The following RERE variants were observed in gnomAD, a reference collection of about 807,000 sequenced individuals.
RERE encodes arginine-glutamic acid dipeptide repeats.
In RERE, 40 loss-of-function variants were observed where a neutral mutation model predicts 146.1. That is an observed-to-expected ratio of 0.27 (90% CI 0.21 to 0.36). The LOEUF is 0.36. Ranked by LOEUF, RERE falls within the 10% of genes least tolerant of loss-of-function variation. The pLI, the probability that RERE is intolerant of heterozygous loss-of-function variation, is 1.00. For synonymous variants in RERE, 1,003 were observed against 866.0 expected, an observed-to-expected ratio of 1.16 and a Z score of -2.78; for missense variants, 1,933 against 2,138.7, an observed-to-expected ratio of 0.90 and a Z score of 1.90.
chr1:8,694,602 T>A (rs1389192689), intron 1 of RERE, among the ~76,000 whole-genome samples: 3 of 151,756 alleles, frequency 2.0e-5, no homozygotes, highest in Non-Finnish European at 2.9e-5. Flanking sequence ...CTACTAAAAA[T>A]ACAAAAATTA....
intron 11 of RERE, among the ~76,000 whole-genome samples, chr1:8,449,739 A>G (rs564432052): frequency 6.6e-6 from 1 of 152,346 alleles, no homozygotes; most frequent in African/African-American, 2.4e-5. Context: ...AGGTCCTAAC[A>G]ATGAGCAGTT....
At chr1:8,543,705 A>G (rs902770599) in intron 6 of RERE, among the ~76,000 whole-genome samples, 1 of 152,178 alleles carries the variant, frequency 6.6e-6, no homozygotes, top group African/African-American at 2.4e-5. Flanking sequence ...GCCTCTACCT[A>G]GAAGCACCCA....
chr1:8,634,711 CT>C (rs1647075263), intron 2 of RERE, among the ~76,000 whole-genome samples: 1 of 152,148 alleles, frequency 6.6e-6, no homozygotes, highest in Non-Finnish European at 1.5e-5. Context: ...GGTCTTACTT[CT>C]TCTAATTGAA....
chr1:8,651,527 T>C (rs532756809), intron 2 of RERE, among the ~76,000 whole-genome samples: 83 of 152,256 alleles, frequency 5.5e-4, no homozygotes, highest in African/African-American at 1.9e-3. Context: ...ATAATGGTTT[T>C]TCATCACTAA....
chr1:8,517,868 A>C lies in RERE; in HGVS notation c.831-9193T>G, dbSNP rs566707600. Among the ~76,000 whole-genome samples, 5 of 152,342 alleles carry C rather than the reference A, an allele frequency of 3.3e-5. No individual in the cohort carries two copies. The South Asian group carries it at 1.0e-3, about 32-fold the overall frequency. The stretch of plus-strand genomic sequence containing the variant: ...GTTTTATTCTAAGAAGTAAACAGGG[A>C]ATGGACAGAAAGGAGCAGGGAGCCT... On this transcript the variant is annotated intron_variant, in intron 7 of 22. Transcript: ENST00000400908.
At chr1:8,771,909 C>CAAAAA (rs768264978) in intron 1 of RERE, among the ~76,000 whole-genome samples, 6 of 59,158 alleles carry the variant, frequency 1.0e-4, no homozygotes, top group Non-Finnish European at 1.4e-4. Context: ...GACTCTGTCT[C>CAAAAA]AAAAAAAAAA....
At chr1:8,361,542 T>C (rs755670093) in intron 17 of RERE, 52 bp from the exon 18 acceptor site, 5 of 1,570,200 alleles carry the variant, frequency 3.2e-6, no homozygotes, top group Non-Finnish European at 3.5e-6. Flanking sequence ...GAGCCCTGTC[T>C]GCTCTGCACC....
intron 10 of RERE, among the ~76,000 whole-genome samples, chr1:8,490,053 CAA>C (rs1252869517): frequency 5.6e-5 from 4 of 71,218 alleles, no homozygotes; most frequent in Non-Finnish European, 1.1e-4. Context: ...GACTCTGTCT[CAA>C]AAAAAAAAAA....
chr1:8,664,240 G>A (rs1339080180), intron 1 of RERE, among the ~76,000 whole-genome samples: 1 of 152,112 alleles, frequency 6.6e-6, no homozygotes, highest in Non-Finnish European at 1.5e-5. Flanking sequence ...CCTCCTGGAA[G>A]GCCTCTTTTC....
intron 12 of RERE, among the ~76,000 whole-genome samples, chr1:8,372,507 C>CGAGTGTGTGTGTGTGTGTGT (rs1642075692): frequency 7.6e-6 from 1 of 131,764 alleles, no homozygotes; most frequent in Non-Finnish European, 1.6e-5. Context: ...ACCATCAGGT[C>CGAGTGTGTGTGTGTGTGTGT]GTGTGTGTGT....
intron 10 of RERE, among the ~76,000 whole-genome samples, chr1:8,477,352 C>T (rs575202108): frequency 2.0e-5 from 3 of 152,306 alleles, no homozygotes; most frequent in South Asian, 4.1e-4. Flanking sequence ...CTGGCACATT[C>T]GTGAACCTAG....
At chr1:8,576,648 A>G (rs1646298640) in intron 4 of RERE, among the ~76,000 whole-genome samples, 1 of 152,222 alleles carries the variant, frequency 6.6e-6, no homozygotes, top group Non-Finnish European at 1.5e-5. Context: ...GAATAAAACC[A>G]TAATAAAAAA....
intron 1 of RERE, among the ~76,000 whole-genome samples, chr1:8,662,124 C>T (rs960798700): frequency 5.3e-5 from 8 of 152,180 alleles, no homozygotes; most frequent in African/African-American, 1.9e-4. Flanking sequence ...ACCTATTTAG[C>T]TGAAGGCCAG....
chr1:8,579,225 T>A (rs1001775929), intron 4 of RERE, among the ~76,000 whole-genome samples: 2 of 151,736 alleles, frequency 1.3e-5, no homozygotes, highest in Non-Finnish European at 2.9e-5. Context: ...CATGATGATC[T>A]TTAAAACAAG....
At chr1:8,429,780 C>G (rs1283316988) in intron 11 of RERE, 1 of 152,514 alleles carries the variant, frequency 6.6e-6, no homozygotes, top group African/African-American at 2.4e-5. Context: ...TCTGTTTTAC[C>G]CTGATTTCTG....
Position 8,556,576 on chromosome 1 carries a change from C to CA in RERE, c.629-6dup. 1 of 1,557,038 alleles carries CA rather than the reference C, an allele frequency of 6.4e-7. No homozygotes were observed. Among genetic ancestry groups the CA allele is most frequent in the Non-Finnish European group, 8.8e-7 (1 of 1,130,980 alleles). On this transcript the variant is annotated splice_region_variant and splice_polypyrimidine_tract_variant and intron_variant, in intron 5 of 22. Coordinates refer to ENST00000400908, the MANE Select transcript of RERE (RefSeq NM_001042681.2). ...TGACAAGTTCTCTTCCAGAGTCTGT[C>CA]AAAAAATTAATTAAGACGACATTAA...
intron 4 of RERE, among the ~76,000 whole-genome samples, chr1:8,594,218 A>AAAGTTT (rs1646528810): frequency 1.3e-5 from 2 of 152,182 alleles, no homozygotes; most frequent in African/African-American, 4.8e-5. Context: ...AGCTTGTCTA[A>AAAGTTT]AGTAACACAG....
At chr1:8,502,353 C>G (rs1283264250) in intron 8 of RERE, among the ~76,000 whole-genome samples, 2 of 109,558 alleles carry the variant, frequency 1.8e-5, no homozygotes, top group African/African-American at 7.4e-5. Flanking sequence ...GTCAGCCCCC[C>G]GCCCGGCCAG....
intron 8 of RERE, among the ~76,000 whole-genome samples, chr1:8,507,621 C>A (rs1194945752): frequency 6.6e-6 from 1 of 151,976 alleles, no homozygotes; most frequent in Non-Finnish European, 1.5e-5. Context: ...GTTGGCCAGG[C>A]TGGTCTCAAA....
Sources: allele counts gnomAD v4.1 joint callset (sites outside exome capture counted in the v4.1 genomes callset), GRCh38; gene constraint gnomAD v4.1.1; transcripts MANE v1.5; gene names NCBI Gene and HGNC (gene_info 2026-07-23, HGNC 2026-07-21).